Variants in AMY2B observed in about 807,000 individuals in gnomAD.
The protein encoded by AMY2B is alpha-amylase 2B.
AMY2B carries 63 observed loss-of-function variants against 59.3 expected under a neutral mutation model. That is an observed-to-expected ratio of 1.06 (90% CI 0.87 to 1.31). The LOEUF (loss-of-function observed/expected upper bound fraction) is 1.31. Among genes scored for constraint, AMY2B ranks in the 50% most tolerant of loss-of-function variants. AMY2B has a pLI of 0.00. For missense variants in AMY2B, 635 were observed against 626.7 expected (o/e 1.01, Z -0.14); for synonymous variants, 180 against 198.1 (o/e 0.91, Z 0.77).
chr1:103,573,408 TC>T, intron 3 of AMY2B, 148 bp downstream of exon 3: 1 of 1,414,656 alleles, frequency 7.1e-7, no homozygotes, highest in Non-Finnish European at 9.6e-7. Flanking sequence ...GAAACTCAAA[TC>T]CATATTTAAA....
Position 103,575,258 on chromosome 1 carries a change from ACAGAG to A in AMY2B, c.917_921del (p.Arg306ThrfsTer6). 2 of 1,613,654 alleles carry A rather than the reference ACAGAG, an allele frequency of 1.2e-6. No individual in the cohort carries two copies. Among genetic ancestry groups the A allele is most frequent in the Non-Finnish European group, 1.7e-6 (2 of 1,179,674 alleles). On this transcript the variant is annotated frameshift_variant, in exon 6 of 10. Transcript: ENST00000684275. LOFTEE classifies it high-confidence loss of function. Reference sequence around the variant, plus strand: ...GAAGGTTGGGGTTTCATGCCTTCTGACAGAGCACTTGTCTTTGTGGATAACCATGA... The same window carrying A: ...GAAGGTTGGGGTTTCATGCCTTCTGACACTTGTCTTTGTGGATAACCATGA...
chr1:103,572,007 A>C lies in AMY2B; in HGVS notation c.169-103A>C, dbSNP rs144582594. On this transcript the variant is annotated intron_variant, in intron 1 of 9. Transcript: ENST00000684275. ...GTTAATATTTTCAAGAGATAGCTGC[A>C]TATACCAAGATTCAAGAATTTTTTA... The C allele has an allele frequency of 4.3e-3, 6,766 of 1,579,356 alleles. 236 individuals are homozygous for C. The African/African-American group carries it at 0.076, about 18-fold the overall frequency.
chr1:103,575,816 G>A (rs1235230918), intron 7 of AMY2B: 2 of 373,708 alleles, frequency 5.4e-6, no homozygotes, highest in African/African-American at 2.1e-5. Flanking sequence ...GCTAGGCACA[G>A]GGATTAAAAT....
intron 1 of AMY2B, among the ~76,000 whole-genome samples, chr1:103,561,565 A>G (rs1318171857): frequency 1.3e-5 from 2 of 152,070 alleles, no homozygotes; most frequent in African/African-American, 2.4e-5. Context: ...CCCTATGCCA[A>G]TCGGGTCTTT....
chr1:103,575,271 C>G lies in AMY2B; in HGVS notation c.927C>G (p.Val309=), dbSNP rs764797763. ...WGFMPSDRAL[V]FVDNHDNQRG... is the part of the protein sequence containing the mutation. Reference sequence around the variant, plus strand: ...TCATGCCTTCTGACAGAGCACTTGTCTTTGTGGATAACCATGACAATCAAC... The same window carrying G: ...TCATGCCTTCTGACAGAGCACTTGTGTTTGTGGATAACCATGACAATCAAC... Residue 309 remains valine (V), a synonymous_variant, in exon 6 of 10, where the codon GTC becomes GTG. Coordinates refer to ENST00000684275, the MANE Select transcript of AMY2B (RefSeq NM_001387437.1). 6 of 1,613,616 alleles carry G rather than the reference C, an allele frequency of 3.7e-6. No individual in the cohort carries two copies. Among genetic ancestry groups the G allele is most frequent in the Non-Finnish European group, 5.1e-6 (6 of 1,179,676 alleles).
Position 103,573,164 on chromosome 1 carries a change from G to A in AMY2B, c.417G>A (p.Arg139=), listed in dbSNP as rs778250286. ...GAAGTTACTTCAACCCTGGAAGTAG[G>A]GACTTTCCAGCAGTCCCATATTCTG... ...TCGSYFNPGS[R]DFPAVPYSGW... is the part of the protein sequence containing the mutation. The change falls in exon 3 of 10, where the codon AGG becomes AGA. Residue 139 remains arginine (R), a synonymous_variant. Coordinates refer to ENST00000684275, the MANE Select transcript of AMY2B (RefSeq NM_001387437.1). 19 of 1,613,580 alleles carry A rather than the reference G, an allele frequency of 1.2e-5. No homozygotes were observed. In the South Asian group the frequency reaches 1.9e-4, roughly 16 times the overall value.
At chr1:103,578,684 A>G (rs1652457381) in intron 9 of AMY2B, among the ~76,000 whole-genome samples, 1 of 152,204 alleles carries the variant, frequency 6.6e-6, no homozygotes, top group African/African-American at 2.4e-5. Flanking sequence ...TGAAAATACC[A>G]AAATAAATTT....
chr1:103,577,307 C>T, intron 7 of AMY2B, 183 bp from the exon 8 acceptor site: 1 of 1,159,932 alleles, frequency 8.6e-7, no homozygotes, highest in Non-Finnish European at 1.2e-6. Flanking sequence ...AAAAGAGAAC[C>T]AGAGGATAGA....
At chr1:103,567,594 G>GT (rs1651952277), upstream of AMY2B, among the ~76,000 whole-genome samples, 1 of 152,104 alleles carries the variant, frequency 6.6e-6, no homozygotes, top group South Asian at 2.1e-4. Context: ...CTGGACCACT[G>GT]TAAAAGTCTT....
intron 6 of AMY2B, 24 bp downstream of exon 6, chr1:103,575,369 T>G (rs1442917061): frequency 6.2e-7 from 1 of 1,613,108 alleles, no homozygotes; most frequent in Non-Finnish European, 8.5e-7. Context: ...TTCTCTATTT[T>G]TTTTAACACA....
chr1:103,569,734 C>A (rs943054559), upstream of AMY2B: 37 of 407,980 alleles, frequency 9.1e-5, no homozygotes, highest in Admixed American at 1.0e-3. Context: ...TGAGAGCAAG[C>A]ACAGTATCCT....
chr1:103,572,574 G>A (rs1652178607), intron 2 of AMY2B, among the ~76,000 whole-genome samples: 1 of 152,072 alleles, frequency 6.6e-6, no homozygotes. Context: ...TACAATATTT[G>A]CTATCATTTT....
At chr1:103,578,013 TC>T in intron 9 of AMY2B, among the ~76,000 whole-genome samples, 168 bp downstream of exon 9, 1 of 152,312 alleles carries the variant, frequency 6.6e-6, no homozygotes, top group East Asian at 1.9e-4. Context: ...TGGCTGTTAC[TC>T]CTTCATTCTC....
intron 1 of AMY2B, among the ~76,000 whole-genome samples, chr1:103,561,459 G>A (rs559145625): frequency 6.6e-6 from 1 of 151,990 alleles, no homozygotes; most frequent in Admixed American, 6.6e-5. Flanking sequence ...GTAGAGACAG[G>A]GTTTTGCTAT....
At chr1:103,556,784 A>G (rs1259301669) in intron 1 of AMY2B, among the ~76,000 whole-genome samples, 2 of 152,162 alleles carry the variant, frequency 1.3e-5, no homozygotes, top group African/African-American at 2.4e-5. Context: ...TGAAATCTCA[A>G]CAAGAACTGT....
In AMY2B at chr1:103,577,592, C is replaced by G. The variant is rs377067814; in HGVS notation, c.1204C>G (p.Arg402Gly). The change falls in exon 8 of 10, where the codon CGA becomes GGA. Residue 402 changes from arginine (R) to glycine (G), a missense_variant. By Grantham distance (125) the Arg-to-Gly change is moderately radical. Transcript: ENST00000684275. ...TGGCAATGACTGGGTCTGTGAACAT[C>G]GATGGCGCCAAATAAGGTGAGAATA... ...TCGNDWVCEHRWRQIRNMVNF... is the reference protein window; with the variant it reads ...TCGNDWVCEHGWRQIRNMVNF... The G allele has an allele frequency of 6.2e-7, 1 of 1,611,878 alleles. No homozygotes were observed. The highest frequency in any genetic ancestry group is 8.5e-7 in the Non-Finnish European group (1 of 1,179,800).
intron 1 of AMY2B, among the ~76,000 whole-genome samples, chr1:103,560,470 T>C (rs1445694951): frequency 6.6e-6 from 1 of 152,160 alleles, no homozygotes; most frequent in Admixed American, 6.5e-5. Flanking sequence ...CTATCTGTTT[T>C]TAAAAAATCT....
intron 6 of AMY2B, 33 bp from the exon 7 acceptor site, chr1:103,575,408 T>C: frequency 6.2e-7 from 1 of 1,613,096 alleles, no homozygotes; most frequent in Non-Finnish European, 8.5e-7. Flanking sequence ...GATATTCTGA[T>C]ATTCTGTGAT....
intron 3 of AMY2B, 87 bp downstream of exon 3, chr1:103,573,347 T>C: frequency 6.3e-7 from 1 of 1,594,806 alleles, no homozygotes; most frequent in South Asian, 1.1e-5. Context: ...TCATTTTAAA[T>C]ACGAATTTAG....
Sources: gnomAD v4.1 joint callset for allele counts (sites outside exome capture counted in the v4.1 genomes callset) on GRCh38, gnomAD v4.1.1 for gene constraint, MANE v1.5 for transcripts, NCBI Gene and HGNC (gene_info 2026-07-23, HGNC 2026-07-21) for gene names.